The following RBFOX1 variants were observed in gnomAD, a reference collection of about 807,000 sequenced individuals.
RBFOX1 encodes the protein RNA binding fox-1 homolog 1.
Under a neutral mutation model 57.7 loss-of-function variants are expected in RBFOX1, and 8 were observed. That is an observed-to-expected ratio of 0.14 (90% CI 0.08 to 0.25). The LOEUF (loss-of-function observed/expected upper bound fraction) is 0.25, where lower values mean the gene tolerates loss of function less well. Among genes scored for constraint, RBFOX1 ranks in the 10% least tolerant of loss-of-function variants. RBFOX1 has a pLI of 1.00. For missense variants in RBFOX1, 611 were observed against 548.5 expected (o/e 1.11, Z -1.14); for synonymous variants, 326 against 222.4 (o/e 1.47, Z -4.15).
At chr16:7,194,133 G>T (rs925290279) in intron 4 of RBFOX1, among the ~76,000 whole-genome samples, 5 of 152,104 alleles carry the variant, frequency 3.3e-5, no homozygotes, top group African/African-American at 1.2e-4. Context: ...CAATGAGAAA[G>T]TCTTTATTTG....
chr16:6,790,120 T>G (rs1035401407), intron 3 of RBFOX1, among the ~76,000 whole-genome samples: 2 of 149,284 alleles, frequency 1.3e-5, no homozygotes, highest in South Asian at 4.2e-4. Context: ...TGAATTTTCT[T>G]CTGGTTCTGA....
At chr16:6,324,137 C>G (rs1005194684) in intron 2 of RBFOX1, among the ~76,000 whole-genome samples, 1 of 151,150 alleles carries the variant, frequency 6.6e-6, no homozygotes, top group Admixed American at 6.6e-5. Flanking sequence ...TCATCCCTCA[C>G]CTTCCTCCCG....
At chr16:6,780,956 T>G (rs1204607158) in intron 3 of RBFOX1, among the ~76,000 whole-genome samples, 1 of 152,122 alleles carries the variant, frequency 6.6e-6, no homozygotes, top group African/African-American at 2.4e-5. Flanking sequence ...TCTTATCACT[T>G]GTTTGTGGTT....
chr16:6,521,323 C>T (rs940067528), intron 2 of RBFOX1, among the ~76,000 whole-genome samples: 1 of 152,090 alleles, frequency 6.6e-6, no homozygotes, highest in Non-Finnish European at 1.5e-5. Flanking sequence ...CAAGACATCC[C>T]TGTCTAACAT....
At chr16:6,971,107 T>C (rs1214621868) in intron 3 of RBFOX1, among the ~76,000 whole-genome samples, 1 of 152,202 alleles carries the variant, frequency 6.6e-6, no homozygotes, top group African/African-American at 2.4e-5. Context: ...AGTTATAATC[T>C]AGCGGAGGAA....
intron 4 of RBFOX1, among the ~76,000 whole-genome samples, chr16:7,218,722 C>T (rs538675718): frequency 5.6e-5 from 7 of 124,580 alleles, no homozygotes; most frequent in African/African-American, 2.2e-4. Flanking sequence ...GGTAAGTCAT[C>T]TTAAAGTGTT....
intron 3 of RBFOX1, among the ~76,000 whole-genome samples, chr16:6,825,222 A>C (rs1411662606): frequency 6.7e-6 from 1 of 150,284 alleles, no homozygotes; most frequent in Non-Finnish European, 1.5e-5. Flanking sequence ...GCTGCTTAGC[A>C]ATTAACCTCA....
In RBFOX1 at chr16:5,631,224, C is replaced by G. The variant is rs141870423; in HGVS notation, c.318+32263C>G. On this transcript the variant is annotated intron_variant, in intron 3 of 19. Coordinates refer to the RBFOX1 transcript ENST00000641259. Reference sequence around the variant, plus strand: ...GATGTTGGTGGCTGATGTTACTGGTCAGGGTCTTAGAGGCTCTCTCCAATC... The same window carrying G: ...GATGTTGGTGGCTGATGTTACTGGTGAGGGTCTTAGAGGCTCTCTCCAATC... Among the ~76,000 whole-genome samples, 723 of 152,272 alleles carry G rather than the reference C, an allele frequency of 4.7e-3. 8 individuals carry two copies. The highest frequency in any genetic ancestry group is 0.036 in the Admixed American group (546 of 15,296).
intron 3 of RBFOX1, among the ~76,000 whole-genome samples, chr16:5,836,385 G>C (rs1252834495): frequency 6.6e-6 from 1 of 152,108 alleles, no homozygotes; most frequent in Admixed American, 6.5e-5. Flanking sequence ...GCAAACATCT[G>C]GGAGCATGAT....
At chr16:6,665,892 C>T (rs1479527920) in intron 3 of RBFOX1, among the ~76,000 whole-genome samples, 4 of 152,084 alleles carry the variant, frequency 2.6e-5, no homozygotes, top group Non-Finnish European at 4.4e-5. Flanking sequence ...ACCACGTCCC[C>T]ACCCAAATCT....
At chr16:6,633,392 C>A (rs2098405777) in intron 2 of RBFOX1, among the ~76,000 whole-genome samples, 1 of 152,156 alleles carries the variant, frequency 6.6e-6, no homozygotes, top group Non-Finnish European at 1.5e-5. Context: ...ATTCTTGTGC[C>A]TCAGCCTCCC....
chr16:6,942,506 G>A (rs1314307192), intron 3 of RBFOX1, among the ~76,000 whole-genome samples: 1 of 152,146 alleles, frequency 6.6e-6, no homozygotes, highest in African/African-American at 2.4e-5. Flanking sequence ...CCTGGGAGAT[G>A]AAGCTTCCTA....
At chr16:7,058,148 C>T (rs1025634119) in intron 4 of RBFOX1, among the ~76,000 whole-genome samples, 3 of 152,056 alleles carry the variant, frequency 2.0e-5, no homozygotes, top group Admixed American at 6.6e-5. Context: ...AAATATAGGA[C>T]ACCTACCGCA....
intron 3 of RBFOX1, among the ~76,000 whole-genome samples, chr16:5,850,421 G>T (rs1009268922): frequency 6.6e-6 from 1 of 152,170 alleles, no homozygotes; most frequent in African/African-American, 2.4e-5. Context: ...TTTAGAGGAA[G>T]AAGAAATAAA....
chr16:5,425,036 CCT>C (rs760613814), intron 1 of RBFOX1, among the ~76,000 whole-genome samples: 16 of 138,988 alleles, frequency 1.2e-4, no homozygotes, highest in Middle Eastern at 3.6e-3. Context: ...TCCCTCCCTC[CCT>C]CTCTCTCTCT....
Position 6,532,697 on chromosome 16 carries a change from C to G in RBFOX1, c.-63-121906C>G, listed in dbSNP as rs543414671. ...GTGCACTTTTCTGCTCTGGATTCCTCTCCTGGACAGTTGCACTGGACTCCA... is the reference window on the plus strand; with the variant it reads ...GTGCACTTTTCTGCTCTGGATTCCTGTCCTGGACAGTTGCACTGGACTCCA... On this transcript the variant is annotated intron_variant, in intron 2 of 15. Transcript: ENST00000550418. 1.7e-3 allele frequency among the ~76,000 whole-genome samples: 260 copies of G among 152,294 alleles called. 1 individual carries two copies. The highest frequency in any genetic ancestry group is 3.2e-3 in the Non-Finnish European group (220 of 68,026).
At chr16:5,733,765 A>G (rs1469039537) in intron 3 of RBFOX1, among the ~76,000 whole-genome samples, 2 of 147,102 alleles carry the variant, frequency 1.4e-5, no homozygotes, top group African/African-American at 5.1e-5. Flanking sequence ...TCTCTTTCCC[A>G]TTCTCACCTT....
chr16:6,884,021 T>C (rs1039532108), intron 3 of RBFOX1, among the ~76,000 whole-genome samples: 1 of 152,150 alleles, frequency 6.6e-6, no homozygotes, highest in Non-Finnish European at 1.5e-5. Context: ...GGGGGTGTTT[T>C]TTGTTCTTCT....
intron 3 of RBFOX1, among the ~76,000 whole-genome samples, chr16:6,838,785 T>C (rs1245802715): frequency 6.6e-6 from 1 of 152,172 alleles, no homozygotes; most frequent in Admixed American, 6.5e-5. Context: ...CAAATGTACA[T>C]GCCTCAAAAG....
Sources: allele counts gnomAD v4.1 joint callset (sites outside exome capture counted in the v4.1 genomes callset), GRCh38; gene constraint gnomAD v4.1.1; transcripts MANE v1.5; gene names NCBI Gene and HGNC (gene_info 2026-07-23, HGNC 2026-07-21).